Variants in TRMT11 observed in about 807,000 individuals in gnomAD.
TRMT11 encodes tRNA (guanine(10)-N(2))-methyltransferase TRMT11.
In TRMT11, 53 loss-of-function variants were observed where a neutral mutation model predicts 62.8. The ratio of observed to expected loss-of-function variants is 0.84; its 90% confidence interval spans 0.68 to 1.06. TRMT11 has a LOEUF of 1.06. Ranked by LOEUF, TRMT11 falls within the 50% of genes least tolerant of loss-of-function variation. The pLI is 0.00. For missense variants in TRMT11, 556 were observed against 553.4 expected (o/e 1.00, Z -0.05); for synonymous variants, 188 against 190.3 (o/e 0.99, Z 0.10).
In TRMT11 at chr6:126,036,047, T is replaced by A. The variant is rs141974445; in HGVS notation, c.1261-2658T>A. ...CTGGAATCACATTTCTGTCCTACCT[T>A]AGCCTCCTTACTACTGCAGTTCTAG... On this transcript the variant is annotated intron_variant, in intron 12 of 12. Coordinates refer to ENST00000334379, the MANE Select transcript of TRMT11 (RefSeq NM_001031712.3). Among the ~76,000 whole-genome samples, 393 of 152,192 alleles carry A rather than the reference T, an allele frequency of 2.6e-3. 1 individual carries two copies. The highest frequency in any genetic ancestry group is 8.8e-3 in the African/African-American group (365 of 41,538).
intron 12 of TRMT11, among the ~76,000 whole-genome samples, chr6:126,030,209 T>C (rs1276649849): frequency 6.6e-6 from 1 of 152,176 alleles, no homozygotes; most frequent in East Asian, 1.9e-4. Context: ...TTTATAGTTG[T>C]ATAACTTTAG....
At chr6:126,115,234 C>G (rs1019334792) in intron 19 of TRMT11, among the ~76,000 whole-genome samples, 1 of 152,108 alleles carries the variant, frequency 6.6e-6, no homozygotes, top group Non-Finnish European at 1.5e-5. Flanking sequence ...CTTTCCTTTC[C>G]ACAAATGCTA....
At chr6:125,994,718 G>A (rs7776022) in intron 2 of TRMT11, among the ~76,000 whole-genome samples, 107,156 of 152,072 alleles carry the variant, frequency 0.7, 38,271 homozygotes, top group East Asian at 0.95. Context: ...AATGCCATCA[G>A]TGATAGACTG....
chr6:126,122,411 C>G (rs1388439441), intron 21 of TRMT11, among the ~76,000 whole-genome samples: 2 of 152,124 alleles, frequency 1.3e-5, no homozygotes, highest in Non-Finnish European at 2.9e-5. Context: ...CAGAATCCTT[C>G]CCCAAGGAAG....
intron 21 of TRMT11, among the ~76,000 whole-genome samples, chr6:126,157,973 G>C (rs1175232387): frequency 6.6e-6 from 1 of 151,976 alleles, no homozygotes; most frequent in Non-Finnish European, 1.5e-5. Flanking sequence ...AGATCAAATA[G>C]AACTTTGTCA....
intron 7 of TRMT11, among the ~76,000 whole-genome samples, chr6:126,002,347 A>G (rs1266212540): frequency 6.6e-6 from 1 of 152,138 alleles, no homozygotes; most frequent in East Asian, 1.9e-4. Context: ...TTTCCTTTTG[A>G]CTACCCTATT....
chr6:126,099,244 G>A (rs1402272840), intron 17 of TRMT11, among the ~76,000 whole-genome samples: 1 of 152,200 alleles, frequency 6.6e-6, no homozygotes, highest in Non-Finnish European at 1.5e-5. Flanking sequence ...GTAAATCTGT[G>A]CACTTTGGTG....
chr6:126,135,711 G>A (rs1777842289), intron 21 of TRMT11, among the ~76,000 whole-genome samples: 2 of 151,698 alleles, frequency 1.3e-5, no homozygotes, highest in Admixed American at 1.3e-4. Context: ...CAGTATCCCT[G>A]ATGAACACAG....
At chr6:126,068,752 G>A (rs56045724) in intron 17 of TRMT11, among the ~76,000 whole-genome samples, 25,331 of 152,118 alleles carry the variant, frequency 0.17, 6,895 homozygotes, top group African/African-American at 0.57. Context: ...GCATTTTCCT[G>A]TAAATTTTAA....
chr6:126,074,977 T>A (rs141573954), intron 17 of TRMT11, among the ~76,000 whole-genome samples: 20 of 152,208 alleles, frequency 1.3e-4, no homozygotes, highest in African/African-American at 4.1e-4. Context: ...ATTAATTTTT[T>A]AAAAATAATA....
At chr6:126,123,743 A>G (rs531856939) in intron 21 of TRMT11, among the ~76,000 whole-genome samples, 4 of 152,230 alleles carry the variant, frequency 2.6e-5, no homozygotes, top group African/African-American at 2.4e-5. Context: ...TATCTGGTCT[A>G]TATTTTATGG....
the TRMT11 span, among the ~76,000 whole-genome samples, chr6:126,216,562 C>G: frequency 6.6e-6 from 1 of 152,050 alleles, no homozygotes; most frequent in African/African-American, 2.4e-5. Flanking sequence ...ATATGTCATG[C>G]CTCTCTCTCC....
At chr6:126,167,579 T>C (rs538963960) in intron 21 of TRMT11, among the ~76,000 whole-genome samples, 1 of 152,348 alleles carries the variant, frequency 6.6e-6, no homozygotes, top group East Asian at 1.9e-4. Flanking sequence ...CCATCTGTTA[T>C]GGTTCTTAAA....
At chr6:126,004,697 G>A (rs961877251) in intron 7 of TRMT11, among the ~76,000 whole-genome samples, 1 of 151,916 alleles carries the variant, frequency 6.6e-6, no homozygotes, top group African/African-American at 2.4e-5. Context: ...AAATTCATGT[G>A]TCTAATCCCC....
chr6:126,126,507 C>A (rs539377975), intron 21 of TRMT11, among the ~76,000 whole-genome samples: 1 of 152,214 alleles, frequency 6.6e-6, no homozygotes, highest in Non-Finnish European at 1.5e-5. Context: ...TGGTCTACAG[C>A]CTCCTCTGAA....
At chr6:126,164,273 G>T (rs1482332945) in intron 21 of TRMT11, among the ~76,000 whole-genome samples, 4 of 152,166 alleles carry the variant, frequency 2.6e-5, no homozygotes, top group Non-Finnish European at 5.9e-5. Flanking sequence ...TTTCCATGTA[G>T]TTGCACCTGT....
chr6:126,138,095 A>G (rs1013842895), intron 21 of TRMT11, among the ~76,000 whole-genome samples: 5 of 151,948 alleles, frequency 3.3e-5, no homozygotes, highest in African/African-American at 4.8e-5. Flanking sequence ...ATTTCAAAAT[A>G]GCTAGAAAAG....
At chr6:126,059,262 C>G (rs1230752685) in intron 17 of TRMT11, among the ~76,000 whole-genome samples, 2 of 152,064 alleles carry the variant, frequency 1.3e-5, no homozygotes, top group Non-Finnish European at 2.9e-5. Context: ...TTACTATAAA[C>G]TGAGTTAGTT....
the TRMT11 span, among the ~76,000 whole-genome samples, chr6:126,211,301 C>A: frequency 6.6e-6 from 1 of 152,140 alleles, no homozygotes; most frequent in Non-Finnish European, 1.5e-5. Flanking sequence ...GGTGCTTTGA[C>A]CCTGCTAGAA....
Sources: gnomAD v4.1 joint callset for allele counts (sites outside exome capture counted in the v4.1 genomes callset) on GRCh38, gnomAD v4.1.1 for gene constraint, MANE v1.5 for transcripts, NCBI Gene and HGNC (gene_info 2026-07-23, HGNC 2026-07-21) for gene names.